Variants in GABRB2 observed in about 807,000 individuals in gnomAD.
GABRB2 encodes the protein gamma-aminobutyric acid type A receptor subunit beta2.
A neutral mutation model predicts 54.7 loss-of-function variants in GABRB2; 16 were observed. That is an observed-to-expected ratio of 0.29 (90% CI 0.20 to 0.44). GABRB2 has a LOEUF of 0.44. GABRB2 is among the 20% of genes least tolerant of loss of function. The pLI is 1.00. For synonymous variants in GABRB2, 244 were observed against 233.8 expected (o/e 1.04, Z -0.40); for missense variants, 355 against 644.0 (o/e 0.55, Z 4.86).
chr5:161,531,170 A>G (rs1760448701), intron 3 of GABRB2, among the ~76,000 whole-genome samples: 1 of 152,158 alleles, frequency 6.6e-6, no homozygotes, highest in Non-Finnish European at 1.5e-5. Context: ...TTTACAACCT[A>G]AAAATTGGCA....
At chr5:161,339,773 G>A (rs79938389) in intron 5 of GABRB2, among the ~76,000 whole-genome samples, 3,669 of 151,942 alleles carry the variant, frequency 0.024, 167 homozygotes, top group African/African-American at 0.081. Context: ...TTATCTCATC[G>A]TTGAGAAAAC....
At chr5:161,502,269 C>A (rs1759467943) in intron 3 of GABRB2, among the ~76,000 whole-genome samples, 1 of 151,656 alleles carries the variant, frequency 6.6e-6, no homozygotes, top group Non-Finnish European at 1.5e-5. Flanking sequence ...TAGCTATATT[C>A]CAGTATAAAT....
chr5:161,501,931 A>T (rs71611091), intron 3 of GABRB2, among the ~76,000 whole-genome samples: 2 of 148,586 alleles, frequency 1.3e-5, no homozygotes, highest in Admixed American at 1.3e-4. Context: ...ATATACATAT[A>T]AAATAAATGT....
intron 5 of GABRB2, among the ~76,000 whole-genome samples, chr5:161,403,239 G>C (rs571230903): frequency 2.0e-5 from 3 of 152,016 alleles, no homozygotes; most frequent in African/African-American, 7.2e-5. Flanking sequence ...TAAATAGAGG[G>C]GAAAAAATGA....
At chr5:161,487,341 G>A (rs1190906977) in intron 3 of GABRB2, among the ~76,000 whole-genome samples, 2 of 151,848 alleles carry the variant, frequency 1.3e-5, no homozygotes, top group Non-Finnish European at 2.9e-5. Flanking sequence ...AAATTGGACT[G>A]GAGCAGGTAA....
chr5:161,373,814 G>A (rs1755202234), intron 5 of GABRB2, among the ~76,000 whole-genome samples: 1 of 152,132 alleles, frequency 6.6e-6, no homozygotes, highest in Non-Finnish European at 1.5e-5. Context: ...GCACAGCAAA[G>A]TCTTTATTCT....
At chr5:161,349,343 C>T (rs1466614490) in intron 5 of GABRB2, among the ~76,000 whole-genome samples, 1 of 151,976 alleles carries the variant, frequency 6.6e-6, no homozygotes, top group East Asian at 1.9e-4. Flanking sequence ...ATTTATTAAA[C>T]AATCATCAAG....
intron 8 of GABRB2, among the ~76,000 whole-genome samples, chr5:161,328,683 G>A (rs996458620): frequency 6.6e-6 from 1 of 152,198 alleles, no homozygotes; most frequent in South Asian, 2.1e-4. Flanking sequence ...AGACGACAAG[G>A]ATATTATTTT....
chr5:161,396,968 T>C (rs1260881848), intron 5 of GABRB2, among the ~76,000 whole-genome samples: 4 of 152,196 alleles, frequency 2.6e-5, no homozygotes, highest in African/African-American at 9.6e-5. Flanking sequence ...TTAAATGAGA[T>C]GATAAATGTA....
At chr5:161,489,742 G>GA (rs944306088) in intron 3 of GABRB2, among the ~76,000 whole-genome samples, 4 of 151,624 alleles carry the variant, frequency 2.6e-5, no homozygotes, top group African/African-American at 9.7e-5. Flanking sequence ...GAGAAGCAAA[G>GA]AAAAAATGCT....
At position 161,293,045 on chromosome 5, in the gene GABRB2, G is replaced by C. The variant is rs1407826392; in HGVS notation, c.*1036C>G. ...TTCGTCTGAGAAAAACAATCTGTTTGCTAGTTTGTGCTCTGTATTTGTATA... is the reference window on the plus strand; with the variant it reads ...TTCGTCTGAGAAAAACAATCTGTTTCCTAGTTTGTGCTCTGTATTTGTATA... On this transcript the variant is annotated 3_prime_UTR_variant, in exon 10 of 10. Coordinates refer to ENST00000393959, the MANE Select transcript of GABRB2 (RefSeq NM_001371727.1). 6.6e-6 allele frequency: 1 copy of C among 152,196 alleles called. No homozygotes were observed. The highest frequency in any genetic ancestry group is 2.4e-5 in the African/African-American group (1 of 41,442). The allele number at this position is 152,196 out of a possible 1,614,324, so 9.4% of individuals were successfully genotyped here.
At chr5:161,454,982 G>A (rs369563056) in intron 4 of GABRB2, among the ~76,000 whole-genome samples, 3 of 152,264 alleles carry the variant, frequency 2.0e-5, no homozygotes, top group African/African-American at 7.2e-5. Context: ...TTTTAGAGAT[G>A]AGAAAACAGA....
chr5:161,361,172 T>C (rs899756244), intron 5 of GABRB2, among the ~76,000 whole-genome samples: 2 of 151,934 alleles, frequency 1.3e-5, no homozygotes, highest in African/African-American at 2.4e-5. Flanking sequence ...ACAATTACAA[T>C]TGTATGGGCT....
chr5:161,366,498 A>AT (rs964701564), intron 5 of GABRB2, among the ~76,000 whole-genome samples: 3 of 151,978 alleles, frequency 2.0e-5, no homozygotes, highest in African/African-American at 4.8e-5. Context: ...TTAACTAAAA[A>AT]TTTTTTTTCT....
chr5:161,490,717 A>G (rs1428696677), intron 3 of GABRB2, among the ~76,000 whole-genome samples: 3 of 151,790 alleles, frequency 2.0e-5, no homozygotes, highest in Admixed American at 6.6e-5. Flanking sequence ...CTTGTCACAC[A>G]GTAAACTCAC....
chr5:161,455,704 C>T (rs988060404), intron 4 of GABRB2, among the ~76,000 whole-genome samples: 2 of 151,678 alleles, frequency 1.3e-5, no homozygotes, highest in African/African-American at 4.8e-5. Flanking sequence ...AGCTAATTTT[C>T]ATATGTTTTG....
chr5:161,471,770 A>C (rs959467546), intron 3 of GABRB2, among the ~76,000 whole-genome samples: 1 of 152,004 alleles, frequency 6.6e-6, no homozygotes, highest in Non-Finnish European at 1.5e-5. Context: ...TGAGATAATC[A>C]ACATTAAAAG....
chr5:161,332,565 A>C (rs149885838), intron 7 of GABRB2, among the ~76,000 whole-genome samples: 1 of 152,326 alleles, frequency 6.6e-6, no homozygotes, highest in Admixed American at 6.5e-5. Flanking sequence ...AAGGTCCTGA[A>C]TATGATAAAG....
chr5:161,546,889 C>T (rs915964850), upstream of GABRB2: 14 of 635,144 alleles, frequency 2.2e-5, no homozygotes, highest in Admixed American at 4.0e-5. Context: ...GAAAAGTCAC[C>T]CCACAGCAGC....
Sources: gnomAD v4.1 joint callset for allele counts (sites outside exome capture counted in the v4.1 genomes callset) on GRCh38, gnomAD v4.1.1 for gene constraint, MANE v1.5 for transcripts, NCBI Gene and HGNC (gene_info 2026-07-23, HGNC 2026-07-21) for gene names.